Variants in NCOR2 observed in about 807,000 individuals in gnomAD.
NCOR2 encodes the protein nuclear receptor corepressor 2.
NCOR2 carries 81 observed loss-of-function variants against 262.9 expected under a neutral mutation model. The observed-to-expected ratio is 0.31, with a 90% confidence interval of 0.26 to 0.37. NCOR2 has a LOEUF of 0.37. Ranked by LOEUF, NCOR2 falls within the 10% of genes least tolerant of loss-of-function variation. NCOR2 has a pLI of 1.00. For missense variants in NCOR2, 3,385 were observed against 3,621.4 expected, an observed-to-expected ratio of 0.93 and a Z score of 1.68; for synonymous variants, 1,659 against 1,559.3, an observed-to-expected ratio of 1.06 and a Z score of -1.51.
intron 18 of NCOR2, among the ~76,000 whole-genome samples, chr12:124,375,831 C>G (rs2039948414): frequency 6.6e-6 from 1 of 152,180 alleles, no homozygotes; most frequent in Non-Finnish European, 1.5e-5. Context: ...CCCAGCCCCG[C>G]GCTGGTGTAT....
At chr12:124,362,188 T>C in exon 22 of NCOR2, 5 of 1,311,912 alleles carry the variant, frequency 3.8e-6, no homozygotes, top group Non-Finnish European at 4.9e-6. Context: ...GCCAGGCTGC[T>C]GAGGGGCGTC....
rs1318484937 is a variant in NCOR2 at position 124,340,201 on chromosome 12, G to GCTCTC, written c.5491_5492insGAGAG (p.Thr1831ArgfsTer52). The GCTCTC allele has an allele frequency of 9.6e-7, 1 of 1,042,248 alleles. No homozygotes were observed. The highest frequency in any genetic ancestry group is 1.3e-6 in the Non-Finnish European group (1 of 797,148). The allele number at this position is 1,042,248 out of a possible 1,614,324, so 64.6% of individuals were successfully genotyped here. On this transcript the variant is annotated frameshift_variant, in exon 37 of 47. Transcript: ENST00000405201. LOFTEE classifies it high-confidence loss of function. ...GCCGCTGCTGCCGCTGCTCTGCTCTGTACCTGGTGACAGTCAGTGGCATCA... is the reference window on the plus strand; with the variant it reads ...GCCGCTGCTGCCGCTGCTCTGCTCTGCTCTCTACCTGGTGACAGTCAGTGGCATCA...
At chr12:124,403,088 T>G (rs2042069628) in intron 13 of NCOR2, among the ~76,000 whole-genome samples, 1 of 152,076 alleles carries the variant, frequency 6.6e-6, no homozygotes, top group African/African-American at 2.4e-5. Flanking sequence ...TCTGGGAAGC[T>G]GGGGACACAC....
At chr12:124,342,176 C>T (rs867392902) in intron 33 of NCOR2, 102 bp from the exon 36 acceptor site, 80 of 1,366,496 alleles carry the variant, frequency 5.9e-5, no homozygotes, top group Middle Eastern at 5.3e-4. Context: ...CGGACAGCTT[C>T]TCCCACCTAC....
intron 1 of NCOR2, among the ~76,000 whole-genome samples, chr12:124,494,629 G>A (rs1185980138): frequency 6.6e-6 from 1 of 152,180 alleles, no homozygotes; most frequent in African/African-American, 2.4e-5. Context: ...CAGCACCCTG[G>A]ACCCTCATGT....
intron 19 of NCOR2, among the ~76,000 whole-genome samples, chr12:124,373,980 G>A (rs547050714): frequency 1.3e-5 from 2 of 151,810 alleles, no homozygotes; most frequent in African/African-American, 2.4e-5. Context: ...CTGTGCTGGC[G>A]GAGTGGCAGG....
chr12:124,392,890 G>A (rs1443701121), intron 16 of NCOR2, among the ~76,000 whole-genome samples: 1 of 152,240 alleles, frequency 6.6e-6, no homozygotes, highest in Non-Finnish European at 1.5e-5. Flanking sequence ...GGAGTCCTGG[G>A]GGAGGCCTCT....
At chr12:124,446,741 A>T (rs1593581777) in intron 7 of NCOR2, among the ~76,000 whole-genome samples, 1 of 152,246 alleles carries the variant, frequency 6.6e-6, no homozygotes, top group Non-Finnish European at 1.5e-5. Context: ...TGATAACCAG[A>T]TTGAAATCTA....
intron 11 of NCOR2, among the ~76,000 whole-genome samples, chr12:124,426,054 G>A (rs762308067): frequency 6.6e-5 from 10 of 152,184 alleles, no homozygotes; most frequent in Admixed American, 3.3e-4. Context: ...CCAAGGCTGC[G>A]GCCCAGCCTC....
At chr12:124,479,294 A>G (rs2047277289) in intron 3 of NCOR2, among the ~76,000 whole-genome samples, 1 of 151,338 alleles carries the variant, frequency 6.6e-6, no homozygotes, top group Admixed American at 6.6e-5. Flanking sequence ...ACACATGCAC[A>G]CTCACGCACA....
Position 124,432,170 on chromosome 12 carries a change from G to A in NCOR2, c.883-1383C>T, listed in dbSNP as rs557844326. 9.2e-5 allele frequency among the ~76,000 whole-genome samples: 14 copies of A among 151,870 alleles called. No individual in the cohort carries two copies. The South Asian group carries it at 2.9e-3, about 32-fold the overall frequency. ...CAAACAGATGCACACACAGGGTCTC[G>A]CAGGCAGACATGATGGACACACATA... On this transcript the variant is annotated intron_variant, in intron 8 of 46. Coordinates refer to ENST00000405201, the Ensembl canonical transcript of NCOR2. The surrounding 1 kb of genome is among the most constrained non-coding windows in gnomAD (Gnocchi z 5.1).
chr12:124,437,053 T>C (rs1287325585), intron 8 of NCOR2, among the ~76,000 whole-genome samples: 2 of 151,982 alleles, frequency 1.3e-5, no homozygotes, highest in Non-Finnish European at 2.9e-5. Context: ...GCCACTGCAC[T>C]CCAACCTGGG....
chr12:124,355,054 G>T, intron 24 of NCOR2, 115 bp from the exon 27 acceptor site: 2 of 846,642 alleles, frequency 2.4e-6, no homozygotes, highest in South Asian at 1.6e-5. Flanking sequence ...TGGGGCTGCT[G>T]TCCAGCTGTG....
At chr12:124,451,562 T>G (rs577718984) in intron 6 of NCOR2, among the ~76,000 whole-genome samples, 132 of 139,230 alleles carry the variant, frequency 9.5e-4, no homozygotes, top group Non-Finnish European at 1.6e-3. Context: ...TGTGTGTGTG[T>G]GTATGTCTTT....
chr12:124,405,696 G>A (rs963015790), intron 13 of NCOR2, among the ~76,000 whole-genome samples: 7 of 152,192 alleles, frequency 4.6e-5, no homozygotes, highest in Admixed American at 1.3e-4. Context: ...GCTCATACTC[G>A]CTGCTGGGAG....
At chr12:124,515,942 G>A (rs536594008) in intron 1 of NCOR2, among the ~76,000 whole-genome samples, 4 of 152,332 alleles carry the variant, frequency 2.6e-5, no homozygotes, top group East Asian at 3.9e-4. Flanking sequence ...TCTCCACCGG[G>A]TAGGAAAATC....
At chr12:124,419,696 C>A (rs543586699) in intron 13 of NCOR2, among the ~76,000 whole-genome samples, 1 of 152,222 alleles carries the variant, frequency 6.6e-6, no homozygotes, top group South Asian at 2.1e-4. Context: ...GCTGAGGAGG[C>A]CCGTGGCTGT....
intron 8 of NCOR2, among the ~76,000 whole-genome samples, chr12:124,436,343 G>A (rs928168228): frequency 6.6e-6 from 1 of 152,158 alleles, no homozygotes; most frequent in African/African-American, 2.4e-5. Flanking sequence ...CAACACAGCT[G>A]AGGGAGAGAG....
rs2048841408 is a variant in NCOR2, at chr12:124,503,230, C to T, written c.-117-7862G>A. Reference sequence around the variant, plus strand: ...GTACAAGCACAGCTACAGCAGTGACCAAGTCAGACAAAAGGCAAAAGGCCC... The same window carrying T: ...GTACAAGCACAGCTACAGCAGTGACTAAGTCAGACAAAAGGCAAAAGGCCC... On this transcript the variant is annotated intron_variant, in intron 1 of 46. Transcript: ENST00000404621. The surrounding 1 kb of genome is among the most constrained non-coding windows in gnomAD (Gnocchi z 4.3). 6.6e-6 allele frequency among the ~76,000 whole-genome samples: 1 copy of T among 152,234 alleles called. No homozygotes were observed. The highest frequency in any genetic ancestry group is 1.9e-4 in the East Asian group (1 of 5,196).
Sources: gnomAD v4.1 joint callset for allele counts (sites outside exome capture counted in the v4.1 genomes callset) on GRCh38, gnomAD v4.1.1 for gene constraint, Gnocchi (gnomAD v3.1) non-coding constraint, MANE v1.5 for transcripts, NCBI Gene and HGNC (gene_info 2026-07-23, HGNC 2026-07-21) for gene names.